ZC3H8: variants seen among roughly 807,000 people sequenced by gnomAD.
ZC3H8 encodes the protein zinc finger CCCH domain-containing protein 8.
ZC3H8 carries 27 observed loss-of-function variants against 42.5 expected under a neutral mutation model. The observed-to-expected ratio is 0.64, with a 90% CI of 0.47 to 0.88. The LOEUF (loss-of-function observed/expected upper bound fraction) is 0.88, where lower values mean the gene tolerates loss of function less well. Among genes scored for constraint, ZC3H8 ranks in the 40% least tolerant of loss-of-function variants. The pLI, the probability that ZC3H8 is intolerant of heterozygous loss-of-function variation, is 0.00. For missense variants in ZC3H8, 277 were observed against 336.1 expected (o/e 0.82, Z 1.37); for synonymous variants, 101 against 110.1 (o/e 0.92, Z 0.52).
intron 1 of ZC3H8, among the ~76,000 whole-genome samples, chr2:112,250,884 A>C (rs1685923161): frequency 6.6e-6 from 1 of 152,242 alleles, no homozygotes. Context: ...TTAAGTGTAA[A>C]GATGAAAAAG....
intron 2 of ZC3H8, among the ~76,000 whole-genome samples, chr2:112,239,349 A>G (rs548566470): frequency 6.6e-6 from 1 of 152,338 alleles, no homozygotes; most frequent in East Asian, 1.9e-4. Context: ...CAGAAAGTTT[A>G]TTTTTAAAAA....
chr2:112,221,252 T>C (rs1684571647), intron 8 of ZC3H8, among the ~76,000 whole-genome samples: 1 of 152,214 alleles, frequency 6.6e-6, no homozygotes, highest in South Asian at 2.1e-4. Flanking sequence ...GGCAGATTTC[T>C]CATGAATGGT....
At position 112,231,847 on chromosome 2, in the gene ZC3H8, C is replaced by T. The variant is rs1364977346; in HGVS notation, c.834G>A (p.Leu278=). ...TAAAAATTATACTTACTTTAGCCAA[C>T]AATTCTTGTGTTTCAGGAGTCAGTG... is the stretch of plus-strand genomic sequence containing the variant. ...HAPLTPETQE[L]LAKVLDTEKK... Residue 278 remains leucine (L), a synonymous_variant, in exon 7 of 9, where the codon TTG becomes TTA. Transcript: ENST00000409573. 1 of 1,572,204 alleles carries T rather than the reference C, an allele frequency of 6.4e-7. No individual in the cohort carries two copies. Among genetic ancestry groups the T allele is most frequent in the South Asian group, 1.2e-5 (1 of 83,234 alleles).
At chr2:112,231,121 T>C (rs1167721292) in intron 7 of ZC3H8, among the ~76,000 whole-genome samples, 171 bp from the exon 8 acceptor site, 2 of 152,122 alleles carry the variant, frequency 1.3e-5, no homozygotes, top group Admixed American at 1.3e-4. Flanking sequence ...TATATCACTT[T>C]TCCATATCTA....
intron 8 of ZC3H8, among the ~76,000 whole-genome samples, chr2:112,221,730 C>T (rs1684595168): frequency 6.6e-6 from 1 of 152,022 alleles, no homozygotes; most frequent in Non-Finnish European, 1.5e-5. Context: ...CTGGTTCTTT[C>T]TTATAATGGT....
intron 8 of ZC3H8, among the ~76,000 whole-genome samples, chr2:112,221,945 T>C (rs62158719): frequency 0.018 from 2,742 of 152,294 alleles, 25 homozygotes; most frequent in Non-Finnish European, 0.026. Flanking sequence ...CTCTGGCTTT[T>C]TGAGTTGCCA....
At position 112,231,965 on chromosome 2, in the gene ZC3H8, GA is replaced by G; in HGVS notation, c.734-19del. The G allele has an allele frequency of 7.3e-7, 1 of 1,361,966 alleles. No individual in the cohort carries two copies. Among genetic ancestry groups the G allele is most frequent in the Non-Finnish European group, 1.0e-6 (1 of 978,486 alleles). The allele number at this position is 1,361,966 out of a possible 1,614,324, so 84.4% of individuals were successfully genotyped here. Reference sequence around the variant, plus strand: ...ATATTCATGTAACCCAAGTGTTAAGGAAGAGAACAATTTTAATCCAATTGAA... The same window carrying G: ...ATATTCATGTAACCCAAGTGTTAAGGAGAGAACAATTTTAATCCAATTGAA... On this transcript the variant is annotated intron_variant, in intron 6 of 8. Coordinates refer to ENST00000409573, the MANE Select transcript of ZC3H8 (RefSeq NM_032494.3).
intron 4 of ZC3H8, 118 bp downstream of exon 4, chr2:112,236,444 G>A (rs1188105861): frequency 1.4e-6 from 2 of 1,382,402 alleles, no homozygotes; most frequent in Non-Finnish European, 1.9e-6. Context: ...TCCGAAAACC[G>A]ATTCTGTGGG....
intron 2 of ZC3H8, among the ~76,000 whole-genome samples, chr2:112,248,021 G>A (rs2104669364): frequency 6.6e-6 from 1 of 152,338 alleles, no homozygotes; most frequent in South Asian, 2.1e-4. Context: ...CATCTGTCCT[G>A]TATTCTTTTA....
At chr2:112,251,176 C>T (rs1685932442) in intron 1 of ZC3H8, among the ~76,000 whole-genome samples, 1 of 152,146 alleles carries the variant, frequency 6.6e-6, no homozygotes, top group African/African-American at 2.4e-5. Flanking sequence ...GAGTTACACA[C>T]CAGATAAAGG....
At chr2:112,223,237 C>T (rs139050123) in intron 8 of ZC3H8, among the ~76,000 whole-genome samples, 16,579 of 151,124 alleles carry the variant, frequency 0.11, 1,190 homozygotes, top group Non-Finnish European at 0.16. Context: ...TGCACATGTA[C>T]CCTAGAACTT....
chr2:112,241,107 G>C (rs1233053121), intron 2 of ZC3H8, among the ~76,000 whole-genome samples: 1 of 151,932 alleles, frequency 6.6e-6, no homozygotes, highest in Non-Finnish European at 1.5e-5. Context: ...ATGCTCTAAA[G>C]GGTGGGCTTA....
chr2:112,249,809 G>A (rs751800118), intron 2 of ZC3H8, among the ~76,000 whole-genome samples: 14 of 152,086 alleles, frequency 9.2e-5, no homozygotes, highest in African/African-American at 2.7e-4. Context: ...GAACTAATAC[G>A]GGCTTTAAGC....
intron 8 of ZC3H8, among the ~76,000 whole-genome samples, chr2:112,224,421 G>A (rs1156883112): frequency 1.3e-5 from 2 of 152,182 alleles, no homozygotes; most frequent in Non-Finnish European, 2.9e-5. Flanking sequence ...ACTTGACAGA[G>A]TTTCTACCAG....
At chr2:112,238,606 T>C in intron 2 of ZC3H8, 78 bp from the exon 3 acceptor site, 1 of 1,261,234 alleles carries the variant, frequency 7.9e-7, no homozygotes, top group Non-Finnish European at 1.1e-6. Flanking sequence ...GAAACAAGAT[T>C]GGCTATAAAC....
At chr2:112,248,063 C>G (rs1392318957) in intron 2 of ZC3H8, among the ~76,000 whole-genome samples, 3 of 152,226 alleles carry the variant, frequency 2.0e-5, no homozygotes, top group Non-Finnish European at 4.4e-5. Context: ...TGGTGGCTCA[C>G]ACCTATAATC....
chr2:112,249,711 T>C (rs1014992829), intron 2 of ZC3H8, among the ~76,000 whole-genome samples: 2 of 152,218 alleles, frequency 1.3e-5, no homozygotes, highest in African/African-American at 2.4e-5. Context: ...CCCAAAGTGC[T>C]GGGACTACAG....
intron 1 of ZC3H8, among the ~76,000 whole-genome samples, chr2:112,250,589 C>T (rs764635387): frequency 4.6e-5 from 7 of 152,172 alleles, no homozygotes; most frequent in Non-Finnish European, 5.9e-5. Flanking sequence ...TACGAGGCTC[C>T]GGGCCTTAGG....
intron 4 of ZC3H8, among the ~76,000 whole-genome samples, chr2:112,235,326 T>C (rs1318932125): frequency 6.6e-6 from 1 of 152,232 alleles, no homozygotes; most frequent in Non-Finnish European, 1.5e-5. Flanking sequence ...TATATATATG[T>C]TTAGAATTTG....
Sources: gnomAD v4.1 joint callset for allele counts (sites outside exome capture counted in the v4.1 genomes callset) on GRCh38, gnomAD v4.1.1 for gene constraint, MANE v1.5 for transcripts, NCBI Gene and HGNC (gene_info 2026-07-23, HGNC 2026-07-21) for gene names.